The following TCF20 variants were observed in gnomAD, a reference collection of about 807,000 sequenced individuals.
The protein encoded by TCF20 is transcription factor 20.
A neutral mutation model predicts 148.6 loss-of-function variants in TCF20; 3 were observed. The ratio of observed to expected loss-of-function variants is 0.02; its 90% confidence interval spans 0.01 to 0.05. TCF20 has a LOEUF of 0.05. Among genes scored for constraint, TCF20 ranks in the 10% least tolerant of loss-of-function variants. TCF20 has a pLI of 1.00. For synonymous variants in TCF20, 1,049 were observed against 909.5 expected (o/e 1.15, Z -2.76); for missense variants, 2,350 against 2,429.3 (o/e 0.97, Z 0.69).
chr22:42,168,710 G>A lies in TCF20; in HGVS notation c.5826C>T (p.Pro1942=), dbSNP rs747866895. 2 of 1,609,446 alleles carry A rather than the reference G, an allele frequency of 1.2e-6. No homozygotes were observed. Among genetic ancestry groups the A allele is most frequent in the Non-Finnish European group, 1.7e-6 (2 of 1,178,312 alleles). Residue 1942 remains proline, a synonymous_variant, in exon 5 of 6, where the codon CCC becomes CCT. Coordinates refer to ENST00000677622, the MANE Select transcript of TCF20 (RefSeq NM_001378418.1). ...TGCCTTTCGCGGTCTTGTTCTGCAA[G>A]GGGGGGAGAGGGCACGGAAGGGGAG... The part of the protein sequence containing the change: ...HKPPLPCPLP[P]LQNKTAKGSL...
At chr22:42,195,751 C>T (rs539900512) in intron 2 of TCF20, among the ~76,000 whole-genome samples, 3 of 152,190 alleles carry the variant, frequency 2.0e-5, no homozygotes, top group Non-Finnish European at 2.9e-5. Context: ...CCGCCTGCCT[C>T]GGCCTCCCAC....
At chr22:42,199,775 G>A (rs1937867212) in intron 2 of TCF20, among the ~76,000 whole-genome samples, 1 of 148,512 alleles carries the variant, frequency 6.7e-6, no homozygotes, top group Non-Finnish European at 1.5e-5. Context: ...GCTTGAACCT[G>A]GGAGGCAGAG....
chr22:42,303,429 C>T (rs1310386240), intron 1 of TCF20, among the ~76,000 whole-genome samples: 1 of 152,270 alleles, frequency 6.6e-6, no homozygotes, highest in Admixed American at 6.5e-5. Context: ...CGAGCGTTCG[C>T]TCGGTGCAGG....
chr22:42,304,498 C>G (rs1927398328), intron 1 of TCF20, among the ~76,000 whole-genome samples: 1 of 152,196 alleles, frequency 6.6e-6, no homozygotes, highest in African/African-American at 2.4e-5. Context: ...TCAGCACCTT[C>G]CCCTGGGCTT....
Position 42,160,867 on chromosome 22 carries a change from A to C in TCF20, c.*536T>G, listed in dbSNP as rs1935402589. Reference sequence around the variant, plus strand: ...TTTCTGAACTGGTGTGAGACAGGCTAAAGATCAACGCCACACACACACCCC... The same window carrying C: ...TTTCTGAACTGGTGTGAGACAGGCTCAAGATCAACGCCACACACACACCCC... On this transcript the variant is annotated 3_prime_UTR_variant, in exon 6 of 6. Transcript: ENST00000677622. 6.5e-6 allele frequency: 1 copy of C among 152,782 alleles called. No individual in the cohort carries two copies. The highest frequency in any genetic ancestry group is 2.4e-5 in the African/African-American group (1 of 41,398). 9.5% of individuals were successfully genotyped at this position (152,782 alleles called of 1,614,324 possible). A position where few individuals can be genotyped will look rare whatever the true frequency, so the allele number is the denominator to read the frequency against.
intron 1 of TCF20, among the ~76,000 whole-genome samples, chr22:42,291,817 C>A (rs1033020369): frequency 6.6e-5 from 10 of 151,792 alleles, no homozygotes; most frequent in Admixed American, 1.3e-4. Context: ...TGGTCCAGAG[C>A]ACAGATACAC....
chr22:42,164,254 G>A (rs1035503321), intron 5 of TCF20, among the ~76,000 whole-genome samples: 3 of 120,514 alleles, frequency 2.5e-5, no homozygotes, highest in East Asian at 2.4e-4. Flanking sequence ...TCACTCTGTC[G>A]TCCAGGCTGG....
At chr22:42,268,080 A>G (rs2146995743) in intron 1 of TCF20, among the ~76,000 whole-genome samples, 1 of 152,320 alleles carries the variant, frequency 6.6e-6, no homozygotes, top group Non-Finnish European at 1.5e-5. Flanking sequence ...TGGGAGGTAG[A>G]GGCTGCAGTG....
chr22:42,208,151 C>T (rs916814631), intron 2 of TCF20, among the ~76,000 whole-genome samples: 15 of 152,094 alleles, frequency 9.9e-5, no homozygotes. Context: ...GCACTCCAGC[C>T]TGGGTAAGGG....
chr22:42,313,071 T>C (rs1213383802), intron 1 of TCF20, among the ~76,000 whole-genome samples: 12 of 152,206 alleles, frequency 7.9e-5, no homozygotes, highest in Admixed American at 7.9e-4. Context: ...CTGTGGACCC[T>C]GGACAAGCCT....
intron 1 of TCF20, among the ~76,000 whole-genome samples, chr22:42,216,302 C>T (rs1021164134): frequency 6.6e-6 from 1 of 152,164 alleles, no homozygotes; most frequent in Non-Finnish European, 1.5e-5. Context: ...GGTTTTAACA[C>T]TGGCTGCTGA....
Position 42,303,295 on chromosome 22 carries a change from A to T in TCF20, c.-37+40184T>A, listed in dbSNP as rs115809550. Among the ~76,000 whole-genome samples, 346 of 152,352 alleles carry T rather than the reference A, an allele frequency of 2.3e-3. 1 individual carries two copies. The highest frequency in any genetic ancestry group is 8.1e-3 in the African/African-American group (336 of 41,572). On this transcript the variant is annotated intron_variant, in intron 1 of 1. Transcript: ENST00000515426. Reference sequence around the variant, plus strand: ...CCATGCATCATCTTATTTAGTCTTCACCACGCGTACCGAGGAGCTGAGGGG... The same window carrying T: ...CCATGCATCATCTTATTTAGTCTTCTCCACGCGTACCGAGGAGCTGAGGGG...
chr22:42,249,235 T>C (rs1925167163), intron 1 of TCF20, among the ~76,000 whole-genome samples: 1 of 152,174 alleles, frequency 6.6e-6, no homozygotes, highest in African/African-American at 2.4e-5. Flanking sequence ...TCTGAGGCCT[T>C]TGGATTTGGA....
intron 1 of TCF20, among the ~76,000 whole-genome samples, chr22:42,262,815 C>T (rs17478318): frequency 0.037 from 5,582 of 152,248 alleles, 151 homozygotes; most frequent in Non-Finnish European, 0.06. Flanking sequence ...GGTACAGCAT[C>T]TTCTATTCCC....
In TCF20 at chr22:42,160,433, T is replaced by TC. The variant is rs1935358292; in HGVS notation, c.*969dup. ...AGCTCTGGCAACACAGGCCTGGACC[T>TC]CCTCCCATCCCCACGGGTCCCTGTG... On this transcript the variant is annotated 3_prime_UTR_variant, in exon 6 of 6. Coordinates refer to ENST00000677622, the MANE Select transcript of TCF20 (RefSeq NM_001378418.1). 1 of 152,570 alleles carries TC rather than the reference T, an allele frequency of 6.6e-6. No individual in the cohort carries two copies. The highest frequency in any genetic ancestry group is 1.5e-5 in the Non-Finnish European group (1 of 68,080). The allele number at this position is 152,570 out of a possible 1,614,324, so 9.5% of individuals were successfully genotyped here. A position where few individuals can be genotyped will look rare whatever the true frequency, so the allele number is the denominator to read the frequency against.
intron 1 of TCF20, among the ~76,000 whole-genome samples, chr22:42,222,722 A>G (rs1271711288): frequency 6.6e-6 from 1 of 152,202 alleles, no homozygotes; most frequent in African/African-American, 2.4e-5. Flanking sequence ...AGAGCTCCTA[A>G]AATGTGTTAT....
At chr22:42,340,908 C>T (rs1928154642) in intron 1 of TCF20, among the ~76,000 whole-genome samples, 1 of 142,356 alleles carries the variant, frequency 7.0e-6, no homozygotes, top group African/African-American at 2.5e-5. Context: ...CCAACCAGCC[C>T]GCAGCCGGCT....
intron 1 of TCF20, among the ~76,000 whole-genome samples, chr22:42,267,779 C>T (rs1268618555): frequency 2.6e-5 from 4 of 152,106 alleles, no homozygotes; most frequent in Admixed American, 6.5e-5. Flanking sequence ...AAACTGTCTC[C>T]GAAGTCAATA....
At chr22:42,266,546 C>A (rs1185295532) in intron 1 of TCF20, among the ~76,000 whole-genome samples, 2 of 152,042 alleles carry the variant, frequency 1.3e-5, no homozygotes, top group Non-Finnish European at 2.9e-5. Context: ...AGGCTGATAA[C>A]CTCCTGACCT....
Sources: gnomAD v4.1 joint callset for allele counts (sites outside exome capture counted in the v4.1 genomes callset) on GRCh38, gnomAD v4.1.1 for gene constraint, MANE v1.5 for transcripts, NCBI Gene and HGNC (gene_info 2026-07-23, HGNC 2026-07-21) for gene names.